Variants in SMG6 observed in about 807,000 individuals in gnomAD.
SMG6 encodes SMG6 nonsense mediated mRNA decay factor.
A neutral mutation model predicts 142.2 loss-of-function variants in SMG6; 66 were observed. The observed-to-expected ratio is 0.46, with a 90% CI of 0.38 to 0.57. SMG6 has a LOEUF of 0.57. Among genes scored for constraint, SMG6 ranks in the 20% least tolerant of loss-of-function variants. SMG6 has a pLI of 0.00. For missense variants in SMG6, 1,793 were observed against 1,832.0 expected, an observed-to-expected ratio of 0.98 and a Z score of 0.39; for synonymous variants, 779 against 702.4, an observed-to-expected ratio of 1.11 and a Z score of -1.72.
chr17:2,251,042 A>T (rs1246686490), intron 8 of SMG6, among the ~76,000 whole-genome samples: 1 of 151,968 alleles, frequency 6.6e-6, no homozygotes, highest in Non-Finnish European at 1.5e-5. Flanking sequence ...TTATGCTCCC[A>T]CACCTAAGAC....
chr17:2,253,698 T>C (rs2074100610), intron 8 of SMG6, among the ~76,000 whole-genome samples: 1 of 152,190 alleles, frequency 6.6e-6, no homozygotes, highest in African/African-American at 2.4e-5. Context: ...TTTCTCCCAA[T>C]GCTAAGAGCC....
intron 10 of SMG6, among the ~76,000 whole-genome samples, chr17:2,198,012 GA>G (rs926865924): frequency 6.6e-6 from 1 of 151,862 alleles, no homozygotes. Context: ...CTTACGTTTA[GA>G]AAAAAAACCA....
chr17:2,303,478 G>C, intron 1 of SMG6, 155 bp downstream of exon 1: 1 of 1,327,582 alleles, frequency 7.5e-7, no homozygotes, highest in Non-Finnish European at 9.6e-7. Flanking sequence ...CGCGAGAGAG[G>C]TAGGGCAGCG....
intron 6 of SMG6, among the ~76,000 whole-genome samples, chr17:2,288,557 G>A (rs536448476): frequency 2.6e-5 from 4 of 151,216 alleles, no homozygotes; most frequent in African/African-American, 9.7e-5. Context: ...GGGAGGCAGA[G>A]GTTGCAGTGA....
intron 13 of SMG6, among the ~76,000 whole-genome samples, chr17:2,124,675 A>G (rs1182897056): frequency 2.0e-5 from 3 of 152,090 alleles, no homozygotes. Flanking sequence ...GTCATTAGAG[A>G]GAAGCTGGGG....
chr17:2,110,010 A>C (rs1425393351), intron 13 of SMG6, among the ~76,000 whole-genome samples: 2 of 146,400 alleles, frequency 1.4e-5, no homozygotes, highest in East Asian at 4.3e-4. Context: ...TTGAACCCGG[A>C]GGCAGAGGTT....
At chr17:2,088,895 G>A (rs756480645) in intron 13 of SMG6, 1 of 944,230 alleles carries the variant, frequency 1.1e-6, no homozygotes, top group South Asian at 4.9e-5. Context: ...CTGGAGTTCT[G>A]TAGGAGACTT....
At chr17:2,101,617 C>G (rs1597385895) in intron 13 of SMG6, 1 of 152,296 alleles carries the variant, frequency 6.6e-6, no homozygotes, top group Admixed American at 6.5e-5. Flanking sequence ...TGCCATCGGC[C>G]TTCCGGGACG....
At chr17:2,176,366 A>C (rs2071652910) in intron 12 of SMG6, among the ~76,000 whole-genome samples, 1 of 152,212 alleles carries the variant, frequency 6.6e-6, no homozygotes. Context: ...GAGGATCTGT[A>C]AACAGCTGCC....
intron 10 of SMG6, among the ~76,000 whole-genome samples, chr17:2,215,134 T>C (rs1207416577): frequency 6.6e-6 from 1 of 152,152 alleles, no homozygotes; most frequent in Non-Finnish European, 1.5e-5. Flanking sequence ...ATTACATTAA[T>C]TTTCAAGGAC....
chr17:2,240,213 T>C (rs1305292242), intron 9 of SMG6: 1 of 152,266 alleles, frequency 6.6e-6, no homozygotes, highest in Non-Finnish European at 1.5e-5. Flanking sequence ...TAGAGACACC[T>C]TGTTTCATTT....
intron 5 of SMG6, 91 bp from the exon 6 acceptor site, chr17:2,292,721 A>C (rs2075065232): frequency 1.3e-6 from 2 of 1,515,570 alleles, no homozygotes; most frequent in Non-Finnish European, 1.8e-6. Flanking sequence ...AACATAAGGT[A>C]GAGTGTTAGA....
intron 10 of SMG6, among the ~76,000 whole-genome samples, chr17:2,229,670 T>C (rs2073415586): frequency 6.6e-6 from 1 of 152,180 alleles, no homozygotes; most frequent in Admixed American, 6.5e-5. Flanking sequence ...ATTGCTGTGG[T>C]TGTCATTACT....
At chr17:2,088,107 C>T (rs1429422852) in intron 13 of SMG6, 3 of 985,364 alleles carry the variant, frequency 3.0e-6, no homozygotes, top group Non-Finnish European at 3.6e-6. Context: ...GAGAGGTACA[C>T]TGGCACCCCT....
Position 2,241,367 on chromosome 17 carries a change from C to T in SMG6, c.2723+3291G>A, listed in dbSNP as rs142406578. On this transcript the variant is annotated intron_variant, in intron 9 of 18. Coordinates refer to ENST00000263073, the MANE Select transcript of SMG6 (RefSeq NM_017575.5). ...CACCTAACCCAAATCTCTCCAGCTACAACAGAAGCCAATTTCTCTTACTGT... is the reference window on the plus strand; with the variant it reads ...CACCTAACCCAAATCTCTCCAGCTATAACAGAAGCCAATTTCTCTTACTGT... 4.5e-4 allele frequency among the ~76,000 whole-genome samples: 68 copies of T among 152,278 alleles called. No homozygotes were observed. The East Asian group carries it at 0.012, about 28-fold the overall frequency.
intron 13 of SMG6, among the ~76,000 whole-genome samples, chr17:2,118,822 G>A (rs2069589218): frequency 6.6e-6 from 1 of 151,438 alleles, no homozygotes; most frequent in Non-Finnish European, 1.5e-5. Context: ...TTCCTGGACT[G>A]AAGGGATTCT....
intron 10 of SMG6, among the ~76,000 whole-genome samples, chr17:2,232,226 A>C (rs550913819): frequency 6.6e-6 from 1 of 152,276 alleles, no homozygotes; most frequent in Non-Finnish European, 1.5e-5. Context: ...TTATTTCCTT[A>C]AATTACAAAA....
intron 15 of SMG6, among the ~76,000 whole-genome samples, chr17:2,075,903 T>C (rs1337750016): frequency 6.6e-6 from 1 of 152,056 alleles, no homozygotes; most frequent in African/African-American, 2.4e-5. Flanking sequence ...CTCTGAGAGC[T>C]CCCCACACCC....
At chr17:2,091,873 G>T (rs536700945) in intron 13 of SMG6, among the ~76,000 whole-genome samples, 6 of 150,812 alleles carry the variant, frequency 4.0e-5, no homozygotes, top group African/African-American at 1.5e-4. Flanking sequence ...TAGTAGAGAC[G>T]AGGTTTCACC....
Sources: gnomAD v4.1 joint callset for allele counts (sites outside exome capture counted in the v4.1 genomes callset) on GRCh38, gnomAD v4.1.1 for gene constraint, MANE v1.5 for transcripts, NCBI Gene and HGNC (gene_info 2026-07-23, HGNC 2026-07-21) for gene names.